Variants in LAP3 observed in about 807,000 individuals in gnomAD.
LAP3 encodes leucine aminopeptidase 3.
A neutral mutation model predicts 58.8 loss-of-function variants in LAP3; 46 were observed. That is an observed-to-expected ratio of 0.78 (90% confidence interval 0.62 to 1.00). The LOEUF (loss-of-function observed/expected upper bound fraction) is 1.00, where lower values mean the gene tolerates loss of function less well. Ranked by LOEUF, LAP3 falls within the 50% of genes least tolerant of loss-of-function variation. LAP3 has a pLI of 0.00. For missense variants in LAP3, 615 were observed against 659.1 expected, an observed-to-expected ratio of 0.93 and a Z score of 0.73; for synonymous variants, 257 against 237.7, an observed-to-expected ratio of 1.08 and a Z score of -0.75.
chr4:17,584,754 G>A (rs1412263902), intron 5 of LAP3: 6 of 441,358 alleles, frequency 1.4e-5, no homozygotes, highest in Middle Eastern at 6.4e-4. Flanking sequence ...ATACCCTCTG[G>A]TTCTGCTTTG....
chr4:17,590,751 T>A (rs991269454), intron 7 of LAP3, among the ~76,000 whole-genome samples: 1 of 151,706 alleles, frequency 6.6e-6, no homozygotes, highest in Non-Finnish European at 1.5e-5. Context: ...TTTTGTAGTT[T>A]TAGTAGAGAT....
At chr4:17,582,641 C>A in intron 4 of LAP3, 1 of 359,164 alleles carries the variant, frequency 2.8e-6, no homozygotes, top group Non-Finnish European at 5.1e-6. Flanking sequence ...ACCATTTGTT[C>A]GCTCTTGTCA....
intron 11 of LAP3, among the ~76,000 whole-genome samples, chr4:17,606,231 C>A (rs998391877): frequency 3.3e-5 from 5 of 152,226 alleles, no homozygotes; most frequent in African/African-American, 1.2e-4. Context: ...AGAACTCTTT[C>A]ACCCTCATCA....
chr4:17,601,156 T>C (rs572717042), intron 10 of LAP3, among the ~76,000 whole-genome samples: 5 of 152,314 alleles, frequency 3.3e-5, no homozygotes, highest in Admixed American at 2.6e-4. Flanking sequence ...GGGGCTTTGA[T>C]GTTTCTTCCA....
Position 17,607,432 on chromosome 4 carries a change from T to C in LAP3, c.1403T>C (p.Leu468Pro), listed in dbSNP as rs748161074. 28 of 1,613,624 alleles carry C rather than the reference T, an allele frequency of 1.7e-5. No individual in the cohort carries two copies. The highest frequency in any genetic ancestry group is 2.3e-5 in the Non-Finnish European group (27 of 1,179,956). ...SAGACTAAAF[L>P]KEFVTHPKWA... Reference sequence around the variant, plus strand: ...GGAGCATGTACAGCTGCAGCATTCCTGAAAGAATTCGTAACTCATCCTAAG... The same window carrying C: ...GGAGCATGTACAGCTGCAGCATTCCCGAAAGAATTCGTAACTCATCCTAAG... The change falls in exon 13 of 13, where the codon CTG (leucine) becomes CCG (proline). Residue 468 changes from leucine (L) to proline (P), a missense_variant. Physicochemically the swap from Leu to Pro is moderately conservative, Grantham distance 98 (BLOSUM62 -3). Transcript: ENST00000226299.
chr4:17,583,662 AGG>A lies in LAP3; in HGVS notation c.539+21_539+22del, dbSNP rs1713425344. On this transcript the variant is annotated intron_variant, in intron 5 of 12. Coordinates refer to ENST00000226299, the MANE Select transcript of LAP3 (RefSeq NM_015907.3). ...TGGAAGGTGATGGAAGCAAATTAGGAGGAGGGTGGTGCTCCCTGGCGTTCTGA... is the reference window on the plus strand; with the variant it reads ...TGGAAGGTGATGGAAGCAAATTAGGAAGGGTGGTGCTCCCTGGCGTTCTGA... 1 of 1,592,366 alleles carries A rather than the reference AGG, an allele frequency of 6.3e-7. No homozygotes were observed. The highest frequency in any genetic ancestry group is 1.8e-5 in the African/African-American group (1 of 54,952).
At chr4:17,602,255 C>T (rs1203935301) in intron 10 of LAP3, among the ~76,000 whole-genome samples, 1 of 152,124 alleles carries the variant, frequency 6.6e-6, no homozygotes, top group Non-Finnish European at 1.5e-5. Flanking sequence ...AGTGTGCTTT[C>T]TGGGCCCTAA....
At chr4:17,587,429 GTTTTTT>G (rs10585004) in intron 6 of LAP3, 2 of 144,504 alleles carry the variant, frequency 1.4e-5, no homozygotes, top group Non-Finnish European at 1.5e-5. Flanking sequence ...TGTTGTTGTT[GTTTTTT>G]TTTTTTTTTT....
chr4:17,595,546 A>C lies in LAP3; in HGVS notation c.988+12A>C. Reference sequence around the variant, plus strand: ...CATTAATATTATAGGTAAGTGGGGTAACGGATTACATCTCATAACGCTTCT... The same window carrying C: ...CATTAATATTATAGGTAAGTGGGGTCACGGATTACATCTCATAACGCTTCT... On this transcript the variant is annotated intron_variant, in intron 8 of 12. Coordinates refer to ENST00000226299, the MANE Select transcript of LAP3 (RefSeq NM_015907.3). 6.2e-7 allele frequency: 1 copy of C among 1,613,452 alleles called. No individual in the cohort carries two copies. The highest frequency in any genetic ancestry group is 8.5e-7 in the Non-Finnish European group (1 of 1,179,512).
chr4:17,589,050 G>GT, intron 7 of LAP3, 73 bp downstream of exon 7: 2 of 1,468,072 alleles, frequency 1.4e-6, no homozygotes, highest in South Asian at 1.3e-5. Context: ...TGGTTATAGG[G>GT]TTTTTTGGTT....
chr4:17,599,463 G>C (rs1480550990), intron 10 of LAP3, among the ~76,000 whole-genome samples: 1 of 152,108 alleles, frequency 6.6e-6, no homozygotes, highest in Non-Finnish European at 1.5e-5. Context: ...TTAAACCCCA[G>C]AGGTGGAGGT....
Position 17,604,667 on chromosome 4 carries a change from G to C in LAP3, c.1260G>C (p.Glu420Asp). 6.2e-7 allele frequency: 1 copy of C among 1,601,640 alleles called. No homozygotes were observed. The highest frequency in any genetic ancestry group is 8.6e-7 in the Non-Finnish European group (1 of 1,168,720). ...CCTGGCTCTGGAACAAACTCTTCGA[G>C]GTAGGAATAATATTTGTATATCTAA... ...NSSWLWNKLF[E>D]ASIETGDRVW... Residue 420 changes from glutamate (E) to aspartate (D), a missense_variant and splice_region_variant, in exon 11 of 13, where the codon GAG becomes GAC. By Grantham distance (45) the Glu-to-Asp change is conservative (BLOSUM62 2). Coordinates refer to ENST00000226299, the MANE Select transcript of LAP3 (RefSeq NM_015907.3).
chr4:17,607,656 T>G lies in LAP3; in HGVS notation c.*67T>G. ...CAGTTGAACTTAAAAGGTTTTTGAATAAATGGATGAAAATCTTTTAACGGA... is the reference window on the plus strand; with the variant it reads ...CAGTTGAACTTAAAAGGTTTTTGAAGAAATGGATGAAAATCTTTTAACGGA... On this transcript the variant is annotated 3_prime_UTR_variant, in exon 13 of 13. Coordinates refer to ENST00000226299, the MANE Select transcript of LAP3 (RefSeq NM_015907.3). 1 of 1,203,984 alleles carries G rather than the reference T, an allele frequency of 8.3e-7. No individual in the cohort carries two copies. The highest frequency in any genetic ancestry group is 1.8e-5 in the South Asian group (1 of 55,410). The allele number at this position is 1,203,984 out of a possible 1,614,324, so 74.6% of individuals were successfully genotyped here. A position where few individuals can be genotyped will look rare whatever the true frequency, so the allele number is the denominator to read the frequency against.
rs760978836 is a variant in LAP3, at chr4:17,588,825, G to C, written c.711G>C (p.Lys237Asn). ...CCCTCTTTCTACCCTATAGACCCAA[G>C]TCTTGGATTGAGGAACAGGCAATGG... The part of the protein sequence containing the change: ...SSKTEVHIRP[K>N]SWIEEQAMGS... The change falls in exon 7 of 13, where the codon AAG becomes AAC. Residue 237 changes from lysine to asparagine, a missense_variant. By Grantham distance (94) the Lys-to-Asn change is moderately conservative. Transcript: ENST00000226299. 1 of 1,613,790 alleles carries C rather than the reference G, an allele frequency of 6.2e-7. No individual in the cohort carries two copies. Among genetic ancestry groups the C allele is most frequent in the African/African-American group, 1.3e-5 (1 of 74,872 alleles).
intron 7 of LAP3, among the ~76,000 whole-genome samples, chr4:17,592,006 A>G (rs529220723): frequency 5.9e-4 from 90 of 152,260 alleles, no homozygotes; most frequent in African/African-American, 2.1e-3. Flanking sequence ...CTGTAATCTC[A>G]GCTACTTGGG....
At chr4:17,587,271 G>A (rs545289180) in intron 6 of LAP3, among the ~76,000 whole-genome samples, 2 of 152,302 alleles carry the variant, frequency 1.3e-5, no homozygotes, top group East Asian at 3.9e-4. Flanking sequence ...GGTATGACTC[G>A]TTAAACTGAG....
intron 6 of LAP3, chr4:17,587,522 G>T (rs1203828199): frequency 1.3e-5 from 2 of 150,882 alleles, no homozygotes; most frequent in Non-Finnish European, 2.9e-5. Flanking sequence ...ATCCCACCAT[G>T]ATGCAGTCCT....
At chr4:17,578,951 G>A (rs1370631170) in intron 1 of LAP3, among the ~76,000 whole-genome samples, 1 of 152,172 alleles carries the variant, frequency 6.6e-6, no homozygotes, top group South Asian at 2.1e-4. Context: ...TTGTAGGGGA[G>A]GAAAATCTTC....
chr4:17,606,128 G>A (rs1560153263), intron 11 of LAP3, among the ~76,000 whole-genome samples: 1 of 152,134 alleles, frequency 6.6e-6, no homozygotes, highest in African/African-American at 2.4e-5. Flanking sequence ...GTGGGTAAGT[G>A]ATGAATGAAT....
Sources: gnomAD v4.1 joint callset for allele counts (sites outside exome capture counted in the v4.1 genomes callset) on GRCh38, gnomAD v4.1.1 for gene constraint, MANE v1.5 for transcripts, NCBI Gene and HGNC (gene_info 2026-07-23, HGNC 2026-07-21) for gene names.